RAD18: variants seen among roughly 807,000 people sequenced by gnomAD.
The protein encoded by RAD18 is E3 ubiquitin-protein ligase RAD18.
In RAD18, 47 loss-of-function variants were observed where a neutral mutation model predicts 60.4. The observed-to-expected ratio is 0.78, with a 90% CI of 0.62 to 0.99. The LOEUF (loss-of-function observed/expected upper bound fraction) is 0.99. Ranked by LOEUF, RAD18 falls within the 50% of genes least tolerant of loss-of-function variation. The pLI, the probability that RAD18 is intolerant of heterozygous loss-of-function variation, is 0.00. For synonymous variants in RAD18, 225 were observed against 195.5 expected (o/e 1.15, Z -1.26); for missense variants, 640 against 593.3 (o/e 1.08, Z -0.82).
intron 10 of RAD18, among the ~76,000 whole-genome samples, chr3:8,901,329 A>T (rs1939909265): frequency 2.0e-5 from 3 of 152,212 alleles, no homozygotes; most frequent in Non-Finnish European, 4.4e-5. Flanking sequence ...CTCTAAGCTG[A>T]AACTTAAATA....
intron 4 of RAD18, among the ~76,000 whole-genome samples, chr3:8,942,496 G>A (rs1381682024): frequency 6.6e-6 from 1 of 152,086 alleles, no homozygotes; most frequent in African/African-American, 2.4e-5. Context: ...TGTAAGAATG[G>A]CCTAACTTGC....
intron 11 of RAD18, among the ~76,000 whole-genome samples, chr3:8,891,702 T>C (rs1009609450): frequency 1.3e-5 from 2 of 152,332 alleles, no homozygotes; most frequent in African/African-American, 4.8e-5. Flanking sequence ...GGCACTCACC[T>C]GAATGATAAC....
chr3:8,931,675 T>C (rs1057501905), intron 7 of RAD18: 1 of 152,234 alleles, frequency 6.6e-6, no homozygotes, highest in South Asian at 2.1e-4. Context: ...AACATTTATG[T>C]GGGATTGCAA....
chr3:8,947,369 G>C (rs1559797173), intron 3 of RAD18, 79 bp from the exon 4 acceptor site: 2 of 1,196,988 alleles, frequency 1.7e-6, no homozygotes, highest in Admixed American at 1.8e-5. Flanking sequence ...GAAAATGTCT[G>C]ACCCATCCTC....
At chr3:8,929,790 T>C (rs1236995977) in intron 7 of RAD18, among the ~76,000 whole-genome samples, 3 of 152,100 alleles carry the variant, frequency 2.0e-5, no homozygotes, top group African/African-American at 7.2e-5. Flanking sequence ...TACAGGCGCC[T>C]GCCACCACGC....
intron 7 of RAD18, among the ~76,000 whole-genome samples, chr3:8,934,332 A>T (rs533825588): frequency 2.0e-5 from 3 of 152,340 alleles, no homozygotes; most frequent in Non-Finnish European, 4.4e-5. Flanking sequence ...AAAAGGTGAA[A>T]TTAGAAATGT....
At chr3:8,914,267 G>A (rs1940158413) in intron 7 of RAD18, among the ~76,000 whole-genome samples, 1 of 152,162 alleles carries the variant, frequency 6.6e-6, no homozygotes, top group African/African-American at 2.4e-5. Flanking sequence ...AAACAGCACA[G>A]AATTTGCAAA....
At chr3:8,955,361 A>C (rs1238739811) in intron 2 of RAD18, among the ~76,000 whole-genome samples, 1 of 152,216 alleles carries the variant, frequency 6.6e-6, no homozygotes, top group Non-Finnish European at 1.5e-5. Flanking sequence ...GTCTCACCCC[A>C]CTAAGCATGA....
chr3:8,940,533 T>A (rs1940729680), intron 5 of RAD18, among the ~76,000 whole-genome samples: 1 of 152,190 alleles, frequency 6.6e-6, no homozygotes, highest in African/African-American at 2.4e-5. Context: ...CACACTCACA[T>A]CTCTGCACTA....
intron 7 of RAD18, among the ~76,000 whole-genome samples, chr3:8,930,566 AATT>A (rs1940535733): frequency 6.6e-6 from 1 of 152,226 alleles, no homozygotes; most frequent in Admixed American, 6.5e-5. Flanking sequence ...GTATTATATG[AATT>A]ATATTTCAAT....
intron 7 of RAD18, among the ~76,000 whole-genome samples, chr3:8,921,216 A>G (rs540605213): frequency 6.6e-6 from 1 of 152,266 alleles, no homozygotes; most frequent in African/African-American, 2.4e-5. Context: ...CAAAGGGTAC[A>G]GTCTATGCAT....
intron 7 of RAD18, among the ~76,000 whole-genome samples, chr3:8,932,281 T>C (rs1285474556): frequency 6.6e-6 from 1 of 152,186 alleles, no homozygotes; most frequent in African/African-American, 2.4e-5. Flanking sequence ...AACACATATA[T>C]TTTAAAAATT....
chr3:8,894,425 A>G (rs1939749949), intron 11 of RAD18, among the ~76,000 whole-genome samples: 1 of 152,212 alleles, frequency 6.6e-6, no homozygotes, highest in Admixed American at 6.5e-5. Flanking sequence ...TGATCATCTA[A>G]TTTGCTTTGT....
At chr3:8,933,403 A>ACAAT (rs1047522268) in intron 7 of RAD18, among the ~76,000 whole-genome samples, 3 of 152,224 alleles carry the variant, frequency 2.0e-5, no homozygotes, top group African/African-American at 4.8e-5. Flanking sequence ...TGGCTAAATG[A>ACAAT]CAATATACAT....
intron 11 of RAD18, among the ~76,000 whole-genome samples, chr3:8,896,585 T>C (rs1296721042): frequency 6.6e-6 from 1 of 152,242 alleles, no homozygotes; most frequent in East Asian, 1.9e-4. Flanking sequence ...TGCTGTCCTT[T>C]CTACCACAGA....
intron 7 of RAD18, among the ~76,000 whole-genome samples, chr3:8,926,519 A>T (rs1306988478): frequency 6.6e-6 from 1 of 152,250 alleles, no homozygotes; most frequent in African/African-American, 2.4e-5. Flanking sequence ...ATCCCCATTA[A>T]GCTACCAATG....
chr3:8,937,688 A>G (rs1197801417), intron 6 of RAD18, among the ~76,000 whole-genome samples: 1 of 152,178 alleles, frequency 6.6e-6, no homozygotes, highest in Admixed American at 6.5e-5. Context: ...TGTAAGATGG[A>G]AGTGATGAGA....
chr3:8,905,973 T>C (rs1339031410), intron 9 of RAD18, among the ~76,000 whole-genome samples: 1 of 152,222 alleles, frequency 6.6e-6, no homozygotes, highest in Admixed American at 6.5e-5. Flanking sequence ...ATGAAACAAC[T>C]GTCCTTGCTA....
At chr3:8,902,620 G>C in intron 9 of RAD18, 100 bp from the exon 10 acceptor site, 1 of 1,220,054 alleles carries the variant, frequency 8.2e-7, no homozygotes, top group Non-Finnish European at 1.1e-6. Flanking sequence ...GGATGGGCAT[G>C]GTGGCTTACG....
Sources: allele counts gnomAD v4.1 joint callset (sites outside exome capture counted in the v4.1 genomes callset), GRCh38; gene constraint gnomAD v4.1.1; transcripts MANE v1.5; gene names NCBI Gene and HGNC (gene_info 2026-07-23, HGNC 2026-07-21).